Variants in TBC1D5 observed in about 807,000 individuals in gnomAD.
TBC1D5 encodes the protein TBC1 domain family member 5, also known as TBC1 domain family, member 5.
TBC1D5 carries 75 observed loss-of-function variants against 100.3 expected under a neutral mutation model. The observed-to-expected ratio is 0.75, with a 90% confidence interval of 0.62 to 0.91. The LOEUF is 0.91. Among genes scored for constraint, TBC1D5 ranks in the 40% least tolerant of loss-of-function variants. The pLI, the probability that TBC1D5 is intolerant of heterozygous loss-of-function variation, is 0.00. For missense variants in TBC1D5, 910 were observed against 942.4 expected, an observed-to-expected ratio of 0.97 and a Z score of 0.45; for synonymous variants, 323 against 325.6, an observed-to-expected ratio of 0.99 and a Z score of 0.09.
At position 17,372,114 on chromosome 3, in the gene TBC1D5, T is replaced by C; in HGVS notation, c.956A>G (p.His319Arg). 2 of 1,613,690 alleles carry C rather than the reference T, an allele frequency of 1.2e-6. No individual in the cohort carries two copies. Among genetic ancestry groups the C allele is most frequent in the South Asian group, 1.1e-5 (1 of 91,036 alleles). Residue 319 changes from histidine to arginine, a missense_variant, in exon 13 of 22, where the codon CAC becomes CGC. Coordinates refer to ENST00000253692, the Ensembl canonical transcript of TBC1D5. ...TGGTGCAATTTCTAGTCTGTTCAAG[T>C]GCATGTAAAGCTCAATATCATGCTT...
intron 18 of TBC1D5, among the ~76,000 whole-genome samples, chr3:17,205,706 G>A (rs542098813): frequency 6.6e-6 from 1 of 152,208 alleles, no homozygotes; most frequent in East Asian, 1.9e-4. Flanking sequence ...TTTAATTCTG[G>A]TCAGTGATAT....
At chr3:17,309,288 T>G (rs993258122) in intron 13 of TBC1D5, among the ~76,000 whole-genome samples, 6 of 152,124 alleles carry the variant, frequency 3.9e-5, no homozygotes, top group African/African-American at 1.4e-4. Context: ...TATCATAGTT[T>G]ATTAGGAACC....
intron 2 of TBC1D5, among the ~76,000 whole-genome samples, chr3:17,561,156 G>C (rs979624801): frequency 5.3e-5 from 8 of 151,996 alleles, no homozygotes; most frequent in African/African-American, 1.9e-4. Flanking sequence ...ATAATTACAG[G>C]CATGTTTACC....
chr3:17,411,900 T>C (rs1280671770), intron 4 of TBC1D5, among the ~76,000 whole-genome samples: 1 of 152,088 alleles, frequency 6.6e-6, no homozygotes, highest in African/African-American at 2.4e-5. Context: ...AGGCATAACA[T>C]CTCAAACTGA....
chr3:17,548,077 G>T (rs1183973735), intron 2 of TBC1D5, among the ~76,000 whole-genome samples: 1 of 152,274 alleles, frequency 6.6e-6, no homozygotes, highest in South Asian at 2.1e-4. Flanking sequence ...CATTTTGGGA[G>T]GCCAAGGTGG....
intron 13 of TBC1D5, among the ~76,000 whole-genome samples, chr3:17,314,761 T>C (rs2084467151): frequency 6.6e-6 from 1 of 152,222 alleles, no homozygotes; most frequent in Non-Finnish European, 1.5e-5. Flanking sequence ...GGCTTCAGGC[T>C]GTCAGAGCTC....
chr3:17,341,147 T>C (rs2151401399), intron 13 of TBC1D5, among the ~76,000 whole-genome samples: 1 of 152,332 alleles, frequency 6.6e-6, no homozygotes, highest in Middle Eastern at 3.4e-3. Flanking sequence ...CTAATACTTA[T>C]TTGAGTGATT....
At chr3:17,343,816 C>T (rs1321282210) in intron 13 of TBC1D5, among the ~76,000 whole-genome samples, 1 of 151,838 alleles carries the variant, frequency 6.6e-6, no homozygotes, top group African/African-American at 2.4e-5. Flanking sequence ...TGGTGATATC[C>T]CCTTTATCAT....
chr3:17,326,711 TA>T (rs2086196225), intron 13 of TBC1D5, among the ~76,000 whole-genome samples: 1 of 152,206 alleles, frequency 6.6e-6, no homozygotes, highest in African/African-American at 2.4e-5. Flanking sequence ...TGGGCTCAAG[TA>T]ACCCAACCAC....
At chr3:17,230,115 T>C (rs2075285019) in intron 17 of TBC1D5, among the ~76,000 whole-genome samples, 1 of 152,174 alleles carries the variant, frequency 6.6e-6, no homozygotes, top group African/African-American at 2.4e-5. Flanking sequence ...ATCAATATAG[T>C]GCCATCTATG....
intron 1 of TBC1D5, among the ~76,000 whole-genome samples, chr3:17,633,548 A>AC (rs1183023267): frequency 6.6e-6 from 1 of 152,184 alleles, no homozygotes; most frequent in African/African-American, 2.4e-5. Context: ...ATGAAAAAAA[A>AC]ATAATAATGC....
chr3:17,664,517 GA>G (rs2067016035), intron 1 of TBC1D5, among the ~76,000 whole-genome samples: 1 of 152,310 alleles, frequency 6.6e-6, no homozygotes, highest in African/African-American at 2.4e-5. Context: ...AAGAATTACA[GA>G]TGCTGATGGT....
chr3:17,319,150 A>G (rs983862707), intron 13 of TBC1D5, among the ~76,000 whole-genome samples: 2 of 152,222 alleles, frequency 1.3e-5, no homozygotes, highest in Non-Finnish European at 2.9e-5. Flanking sequence ...TAATATGTTC[A>G]TAAATTAATC....
intron 17 of TBC1D5, among the ~76,000 whole-genome samples, chr3:17,225,568 G>A (rs1426219200): frequency 1.3e-5 from 2 of 152,088 alleles, no homozygotes; most frequent in African/African-American, 2.4e-5. Context: ...CTGGGAGGCC[G>A]AGACTGGAGG....
intron 17 of TBC1D5, among the ~76,000 whole-genome samples, chr3:17,226,685 C>A (rs924482216): frequency 6.6e-6 from 1 of 152,156 alleles, no homozygotes; most frequent in Non-Finnish European, 1.5e-5. Context: ...AACTGCAAAG[C>A]GGTCGGTTTA....
chr3:17,368,400 G>C (rs972404536), intron 13 of TBC1D5, among the ~76,000 whole-genome samples: 3 of 151,982 alleles, frequency 2.0e-5, no homozygotes, highest in Non-Finnish European at 4.4e-5. Flanking sequence ...GGAAAAACTG[G>C]TTTTAAAAAT....
At chr3:17,339,853 G>A (rs1196600019) in intron 13 of TBC1D5, among the ~76,000 whole-genome samples, 2 of 151,786 alleles carry the variant, frequency 1.3e-5, no homozygotes, top group Non-Finnish European at 2.9e-5. Context: ...TTAATGCTAG[G>A]GCAAACACAT....
Position 17,651,253 on chromosome 3 carries a change from T to C in TBC1D5, c.-100-27340A>G, listed in dbSNP as rs974431122. 3.9e-5 allele frequency among the ~76,000 whole-genome samples: 6 copies of C among 152,276 alleles called. No individual in the cohort carries two copies. In the East Asian group the frequency reaches 9.6e-4, roughly 24 times the overall value. ...AAAAATTAACACATTTCCAGCTTTA[T>C]GGAAAAATAAGAAAAATCAGTTTCC... On this transcript the variant is annotated intron_variant, in intron 1 of 21. Coordinates refer to ENST00000253692, the Ensembl canonical transcript of TBC1D5.
At chr3:17,627,006 A>G (rs2063116217) in intron 1 of TBC1D5, among the ~76,000 whole-genome samples, 1 of 152,222 alleles carries the variant, frequency 6.6e-6, no homozygotes, top group Admixed American at 6.5e-5. Context: ...TCTGATGGCA[A>G]TGCATAGGAC....
Sources: allele counts gnomAD v4.1 joint callset (sites outside exome capture counted in the v4.1 genomes callset), GRCh38; gene constraint gnomAD v4.1.1; transcripts MANE v1.5; gene names NCBI Gene and HGNC (gene_info 2026-07-23, HGNC 2026-07-21).